DNAH12: variants seen among roughly 807,000 people sequenced by gnomAD.
DNAH12 encodes the protein dynein axonemal heavy chain 12.
DNAH12 carries 285 observed loss-of-function variants against 371.5 expected under a neutral mutation model. The ratio of observed to expected loss-of-function variants is 0.77; its 90% CI spans 0.70 to 0.85. DNAH12 has a LOEUF of 0.85. Ranked by LOEUF, DNAH12 falls within the 40% of genes least tolerant of loss-of-function variation. DNAH12 has a pLI of 0.00. For missense variants in DNAH12, 3,611 were observed against 3,689.4 expected (o/e 0.98, Z 0.55); for synonymous variants, 1,200 against 1,213.0 (o/e 0.99, Z 0.22).
In DNAH12 at chr3:57,295,432, G is replaced by C. The variant is rs927989311; in HGVS notation, c.11692+93C>G. 6 of 965,160 alleles carry C rather than the reference G, an allele frequency of 6.2e-6. No individual in the cohort carries two copies. The African/African-American group carries it at 1.0e-4, about 16-fold the overall frequency. The allele number at this position is 965,160 out of a possible 1,614,324, so 59.8% of individuals were successfully genotyped here. On this transcript the variant is annotated intron_variant, in intron 73 of 73. Coordinates refer to ENST00000495027, the MANE Select transcript of DNAH12 (RefSeq NM_001366028.2). ...ATTATAATTGAGCTAGATCCTAAAA[G>C]GTTTGAGCAAAAACTTATTTTGGGG...
intron 29 of DNAH12, among the ~76,000 whole-genome samples, chr3:57,443,355 C>A (rs922124605): frequency 6.6e-6 from 1 of 152,180 alleles, no homozygotes; most frequent in Non-Finnish European, 1.5e-5. Flanking sequence ...GGTGATCCAC[C>A]TGCCTCGGCC....
chr3:57,541,263 C>T (rs561663253), intron 2 of DNAH12, among the ~76,000 whole-genome samples: 1 of 152,222 alleles, frequency 6.6e-6, no homozygotes, highest in South Asian at 2.1e-4. Flanking sequence ...TGGTCTTGAA[C>T]TCCTGACCTC....
intron 43 of DNAH12, among the ~76,000 whole-genome samples, chr3:57,398,184 A>C (rs1331551605): frequency 1.3e-5 from 2 of 152,232 alleles, no homozygotes; most frequent in African/African-American, 4.8e-5. Context: ...ATTGGGCAGA[A>C]TCAAGAGTCA....
In DNAH12 at chr3:57,428,766, C is replaced by T. The variant is rs950302040; in HGVS notation, c.5120G>A (p.Trp1707Ter). 3.2e-6 allele frequency: 5 copies of T among 1,550,734 alleles called. No homozygotes were observed. The highest frequency in any genetic ancestry group is 3.5e-6 in the Non-Finnish European group (4 of 1,146,808). The change falls in exon 34 of 74, where the codon TGG becomes TAG. Residue 1707 changes from tryptophan to a stop codon, truncating the protein, a stop_gained. Transcript: ENST00000495027. LOFTEE classifies it high-confidence loss of function. ...MIYLEPSQLG[W>*]EPLVSSWLNS... ...CAACCAAGAAGACACAAGTGGTTCCCATCCTAACTGTGAAGGCTCCAAATA... is the reference window on the plus strand; with the variant it reads ...CAACCAAGAAGACACAAGTGGTTCCTATCCTAACTGTGAAGGCTCCAAATA...
intron 60 of DNAH12, among the ~76,000 whole-genome samples, chr3:57,347,916 T>C (rs1164426174): frequency 6.6e-6 from 1 of 152,120 alleles, no homozygotes; most frequent in African/African-American, 2.4e-5. Flanking sequence ...TCATTGCTGG[T>C]GGAGACGCTA....
intron 17 of DNAH12, among the ~76,000 whole-genome samples, chr3:57,464,464 C>T (rs2066141516): frequency 6.6e-6 from 1 of 152,176 alleles, no homozygotes; most frequent in African/African-American, 2.4e-5. Context: ...GCTTAAGGTG[C>T]CACTTGGAGC....
chr3:57,352,815 G>A (rs752968808), intron 59 of DNAH12, among the ~76,000 whole-genome samples: 2 of 152,074 alleles, frequency 1.3e-5, no homozygotes, highest in Non-Finnish European at 2.9e-5. Context: ...AAGGTCAGGC[G>A]CAGTGTCTCC....
At chr3:57,390,225 C>A (rs1369565199) in intron 45 of DNAH12, among the ~76,000 whole-genome samples, 5 of 144,430 alleles carry the variant, frequency 3.5e-5, no homozygotes, top group Admixed American at 3.5e-4. Context: ...CAAGCTTGGG[C>A]AACATAGAGA....
At chr3:57,445,558 G>T in intron 27 of DNAH12, 139 bp from the exon 28 acceptor site, 3 of 608,418 alleles carry the variant, frequency 4.9e-6, no homozygotes, top group South Asian at 7.5e-5. Context: ...ATTTTTTTTA[G>T]TAGTACTTTT....
chr3:57,468,962 A>T lies in DNAH12; in HGVS notation c.2123T>A (p.Phe708Tyr). 1 of 1,508,800 alleles carries T rather than the reference A, an allele frequency of 6.6e-7. No homozygotes were observed. The highest frequency in any genetic ancestry group is 1.4e-5 in the African/African-American group (1 of 69,854). The allele number at this position is 1,508,800 out of a possible 1,614,324, so 93.5% of individuals were successfully genotyped here. Residue 708 changes from phenylalanine (F) to tyrosine (Y), a missense_variant, in exon 17 of 74, where the codon TTT (phenylalanine) becomes TAT (tyrosine). Coordinates refer to ENST00000495027, the MANE Select transcript of DNAH12 (RefSeq NM_001366028.2). ...CATGCTTTCCCCATTGAGGTCCAAA[A>T]ACCCTCCATCCATCCACCTGAATGG... ...RSEKRWMDGG[F>Y]LDLNGESMEA...
At position 57,457,774 on chromosome 3, in the gene DNAH12, C is replaced by T; in HGVS notation, c.3283G>A (p.Val1095Met). Residue 1095 changes from valine (V) to methionine (M), a missense_variant, in exon 22 of 74, where the codon GTG (valine) becomes ATG (methionine). Physicochemically the swap from Val to Met is conservative, Grantham distance 21. Around this residue, in one of 3 missense-constraint regions of DNAH12, gnomAD observed 1,314 missense variants for 1,398.7 expected, o/e 0.94. Transcript: ENST00000495027. ...RGAVEKWLIQVEDLMLRSVHD... is the reference protein window; with the variant it reads ...RGAVEKWLIQMEDLMLRSVHD... The stretch of plus-strand genomic sequence containing the variant: ...ACACTCCGGAGCATTAGGTCTTCCA[C>T]TTGAATGAGCCACTTTTCCACAGCA... The T allele has an allele frequency of 6.4e-7, 1 of 1,551,582 alleles. No individual in the cohort carries two copies. The highest frequency in any genetic ancestry group is 8.7e-7 in the Non-Finnish European group (1 of 1,146,978).
intron 14 of DNAH12, among the ~76,000 whole-genome samples, 199 bp downstream of exon 14, chr3:57,472,347 C>T (rs115968884): frequency 0.021 from 3,188 of 152,090 alleles, 102 homozygotes; most frequent in African/African-American, 0.072. Flanking sequence ...AATGTCAGCC[C>T]CACTACTTAC....
chr3:57,321,833 T>C (rs926745013), intron 65 of DNAH12, among the ~76,000 whole-genome samples: 1 of 152,226 alleles, frequency 6.6e-6, no homozygotes, highest in Non-Finnish European at 1.5e-5. Flanking sequence ...TACTCTCTAC[T>C]GGGACCCTTA....
At chr3:57,520,070 C>T in intron 4 of DNAH12, 1 of 496,704 alleles carries the variant, frequency 2.0e-6, no homozygotes, top group South Asian at 2.1e-5. Flanking sequence ...GCTGTGGCGG[C>T]TCTGTGGCTA....
intron 70 of DNAH12, among the ~76,000 whole-genome samples, 162 bp downstream of exon 70, chr3:57,301,571 CAG>C (rs1374849637): frequency 1.3e-5 from 2 of 152,068 alleles, no homozygotes; most frequent in East Asian, 1.9e-4. Context: ...TCATTCAACT[CAG>C]AGACACTCAA....
At chr3:57,315,539 C>A (rs2061667246) in intron 65 of DNAH12, among the ~76,000 whole-genome samples, 2 of 151,590 alleles carry the variant, frequency 1.3e-5, no homozygotes, top group Non-Finnish European at 2.9e-5. Context: ...AGGCAGGAAC[C>A]ATCCTTAAAA....
intron 13 of DNAH12, among the ~76,000 whole-genome samples, chr3:57,482,745 A>C (rs967301041): frequency 6.9e-6 from 1 of 144,938 alleles, no homozygotes; most frequent in African/African-American, 2.4e-5. Flanking sequence ...TGCAGCCATA[A>C]AAAAGGATGA....
chr3:57,398,829 C>G (rs1381409622), intron 43 of DNAH12, among the ~76,000 whole-genome samples: 1 of 152,084 alleles, frequency 6.6e-6, no homozygotes, highest in Non-Finnish European at 1.5e-5. Context: ...ACAAAAGAAC[C>G]TAGAATGTAA....
At chr3:57,470,311 T>G (rs2066329523) in intron 16 of DNAH12, 132 bp downstream of exon 16, 1 of 870,168 alleles carries the variant, frequency 1.1e-6, no homozygotes, top group Non-Finnish European at 1.7e-6. Context: ...TTCTCCTACA[T>G]GGTACCTGGT....
Sources: allele counts gnomAD v4.1 joint callset (sites outside exome capture counted in the v4.1 genomes callset), GRCh38; gene constraint gnomAD v4.1.1; regional missense constraint gnomAD v4.1.1; transcripts MANE v1.5; gene names NCBI Gene and HGNC (gene_info 2026-07-23, HGNC 2026-07-21).